Variants in NR5A2 observed in about 807,000 individuals in gnomAD.
The protein encoded by NR5A2 is nuclear receptor subfamily 5 group A member 2.
A neutral mutation model predicts 62.7 loss-of-function variants in NR5A2; 26 were observed. That is an observed-to-expected ratio of 0.41 (90% CI 0.30 to 0.58). The LOEUF (loss-of-function observed/expected upper bound fraction) is 0.58. NR5A2 is among the 20% of genes least tolerant of loss of function. NR5A2 has a pLI of 0.22. For missense variants in NR5A2, 541 were observed against 669.1 expected (o/e 0.81, Z 2.11); for synonymous variants, 246 against 241.7 (o/e 1.02, Z -0.16).
intron 7 of NR5A2, among the ~76,000 whole-genome samples, chr1:200,154,017 G>T (rs1214420763): frequency 6.6e-6 from 1 of 152,160 alleles, no homozygotes; most frequent in African/African-American, 2.4e-5. Context: ...TGATTCAGTT[G>T]CATTCTTAAA....
intron 1 of NR5A2, among the ~76,000 whole-genome samples, chr1:200,028,252 C>T (rs1235655480): frequency 6.6e-6 from 1 of 151,720 alleles, no homozygotes; most frequent in Non-Finnish European, 1.5e-5. Context: ...AAAATTTGAA[C>T]AATTTGAAAC....
intron 2 of NR5A2, among the ~76,000 whole-genome samples, chr1:200,040,093 A>T (rs1162013066): frequency 6.6e-6 from 1 of 152,244 alleles, no homozygotes; most frequent in Non-Finnish European, 1.5e-5. Flanking sequence ...ACTTTAGAAT[A>T]ATAAGATCAT....
At chr1:200,132,644 T>C (rs4460672) in intron 7 of NR5A2, among the ~76,000 whole-genome samples, 2,646 of 152,282 alleles carry the variant, frequency 0.017, 29 homozygotes, top group Non-Finnish European at 0.028. Flanking sequence ...AGGAGATGAT[T>C]TTTCAGAGAC....
intron 5 of NR5A2, among the ~76,000 whole-genome samples, chr1:200,102,091 A>G (rs1421629816): frequency 6.6e-6 from 1 of 152,220 alleles, no homozygotes; most frequent in Non-Finnish European, 1.5e-5. Flanking sequence ...TGACACTAGC[A>G]TATCTTTATA....
chr1:200,092,744 C>T (rs1159779896), intron 5 of NR5A2, among the ~76,000 whole-genome samples: 1 of 151,858 alleles, frequency 6.6e-6, no homozygotes, highest in Non-Finnish European at 1.5e-5. Context: ...GCTTTTCTAC[C>T]ATGGGTTTAT....
In NR5A2 at chr1:200,090,848, C is replaced by A. The variant is rs113677956; in HGVS notation, c.1111-20354C>A. On this transcript the variant is annotated intron_variant, in intron 5 of 7. Coordinates refer to ENST00000367362, the MANE Select transcript of NR5A2 (RefSeq NM_205860.3). ...AGGTTTCCCTGAGTGTCAGCCTCTG[C>A]CCCCTCCCTAACACACACTCACATT... is the stretch of plus-strand genomic sequence containing the variant. 8.2e-3 allele frequency among the ~76,000 whole-genome samples: 1,249 copies of A among 152,272 alleles called. 5 individuals carry two copies. Among genetic ancestry groups the A allele is most frequent in the Middle Eastern group, 0.031 (9 of 294 alleles).
chr1:200,034,609 T>C (rs976794241), intron 1 of NR5A2, among the ~76,000 whole-genome samples: 1 of 42,216 alleles, frequency 2.4e-5, no homozygotes, highest in African/African-American at 1.0e-4. Context: ...GGGGGGTGGG[T>C]GGGGGGTAGG....
chr1:200,060,939 T>TAAAAAAAAA (rs60736317), intron 5 of NR5A2, among the ~76,000 whole-genome samples: 175 of 87,454 alleles, frequency 2.0e-3, no homozygotes, highest in African/African-American at 3.0e-3. Flanking sequence ...CCATCTCTAC[T>TAAAAAAAAA]AAAAAAAAAA....
chr1:200,112,439 A>G (rs553389907), intron 6 of NR5A2, among the ~76,000 whole-genome samples: 2 of 152,284 alleles, frequency 1.3e-5, no homozygotes, highest in Admixed American at 1.3e-4. Flanking sequence ...AGCAATGGTG[A>G]CTTCAGTACT....
chr1:200,093,298 G>T (rs901340596), intron 5 of NR5A2, among the ~76,000 whole-genome samples: 3 of 152,086 alleles, frequency 2.0e-5, no homozygotes, highest in Non-Finnish European at 4.4e-5. Flanking sequence ...AAAACTCAAT[G>T]CTATTGATGT....
At chr1:200,085,377 G>A (rs956110072) in intron 5 of NR5A2, among the ~76,000 whole-genome samples, 1 of 152,152 alleles carries the variant, frequency 6.6e-6, no homozygotes, top group Non-Finnish European at 1.5e-5. Flanking sequence ...TTGGCACAAG[G>A]CACTGGCTAT....
intron 1 of NR5A2, among the ~76,000 whole-genome samples, chr1:200,030,054 A>C (rs1661496336): frequency 6.6e-6 from 1 of 152,098 alleles, no homozygotes; most frequent in African/African-American, 2.4e-5. Context: ...TGAGGGAGAG[A>C]TGCCCCTTGA....
intron 7 of NR5A2, among the ~76,000 whole-genome samples, chr1:200,158,644 G>A (rs1355232245): frequency 2.0e-5 from 3 of 151,892 alleles, no homozygotes; most frequent in African/African-American, 7.3e-5. Context: ...CACCCAGGCT[G>A]GAGTGCAGTG....
chr1:200,163,018 G>A lies in NR5A2; in HGVS notation c.1379-10945G>A, dbSNP rs112523157. ...TGGGTCACTGAGTGAGCTGGTGAAA[G>A]CATTGAACACACTGAAATAAAATGT... On this transcript the variant is annotated intron_variant, in intron 7 of 7. Transcript: ENST00000367362. 7.7e-3 allele frequency among the ~76,000 whole-genome samples: 1,166 copies of A among 152,216 alleles called. 16 individuals carry two copies. Among genetic ancestry groups the A allele is most frequent in the African/African-American group, 0.026 (1,100 of 41,518 alleles).
At chr1:200,037,673 C>T (rs1661841687) in intron 1 of NR5A2, among the ~76,000 whole-genome samples, 1 of 152,190 alleles carries the variant, frequency 6.6e-6, no homozygotes, top group South Asian at 2.1e-4. Flanking sequence ...CTTTTGGCAA[C>T]TTCAGCCCAC....
intron 5 of NR5A2, among the ~76,000 whole-genome samples, chr1:200,081,114 G>C (rs1212029867): frequency 1.3e-5 from 2 of 152,176 alleles, no homozygotes; most frequent in Non-Finnish European, 2.9e-5. Flanking sequence ...GCCGTCAAAA[G>C]AATCTGTTTT....
chr1:200,092,603 G>A (rs1002907172), intron 5 of NR5A2, among the ~76,000 whole-genome samples: 1 of 151,978 alleles, frequency 6.6e-6, no homozygotes, highest in African/African-American at 2.4e-5. Flanking sequence ...TTCTAGCTGG[G>A]GTGCCATCCA....
chr1:200,174,096 C>G lies in NR5A2; in HGVS notation c.1512C>G (p.Pro504=). 1 of 1,613,740 alleles carries G rather than the reference C, an allele frequency of 6.2e-7. No homozygotes were observed. The highest frequency in any genetic ancestry group is 1.3e-5 in the African/African-American group (1 of 74,902). The change falls in exon 8 of 8, where the codon CCC becomes CCG. Residue 504 remains proline (P), a synonymous_variant. Transcript: ENST00000367362. ...TTGGACAGCTACTTCTTCGACTACC[C>G]GAAATCCGGGCCATCAGTATGCAGG... The part of the protein sequence containing the change: ...EKFGQLLLRL[P]EIRAISMQAE...
At chr1:200,060,448 A>G (rs745728856) in intron 5 of NR5A2, among the ~76,000 whole-genome samples, 2 of 152,126 alleles carry the variant, frequency 1.3e-5, no homozygotes, top group African/African-American at 2.4e-5. Flanking sequence ...GGCATTTTCC[A>G]AGGGTGAGTG....
Sources: gnomAD v4.1 joint callset for allele counts (sites outside exome capture counted in the v4.1 genomes callset) on GRCh38, gnomAD v4.1.1 for gene constraint, MANE v1.5 for transcripts, NCBI Gene and HGNC (gene_info 2026-07-23, HGNC 2026-07-21) for gene names.